The following ORC3 variants were observed in gnomAD, a reference collection of about 807,000 sequenced individuals.
The protein encoded by ORC3 is origin recognition complex subunit 3.
In ORC3, 78 loss-of-function variants were observed where a neutral mutation model predicts 100.7. The ratio of observed to expected loss-of-function variants is 0.77; its 90% confidence interval spans 0.65 to 0.94. The LOEUF is 0.94. Ranked by LOEUF, ORC3 falls within the 40% of genes least tolerant of loss-of-function variation. The pLI is 0.00. For missense variants in ORC3, 789 were observed against 823.9 expected, an observed-to-expected ratio of 0.96 and a Z score of 0.52; for synonymous variants, 295 against 289.3, an observed-to-expected ratio of 1.02 and a Z score of -0.20.
chr6:87,650,242 A>T (rs1299269208), intron 13 of ORC3, among the ~76,000 whole-genome samples: 1 of 151,882 alleles, frequency 6.6e-6, no homozygotes, highest in Non-Finnish European at 1.5e-5. Context: ...TTTTGTAGGA[A>T]TGAGGGTCTC....
intron 19 of ORC3, among the ~76,000 whole-genome samples, chr6:87,666,463 A>G (rs1770640249): frequency 3.2e-5 from 3 of 93,758 alleles, no homozygotes; most frequent in East Asian, 3.1e-4. Flanking sequence ...TTTGAGACAG[A>G]GTTTTGCTAT....
chr6:87,650,517 A>G (rs1317397372), intron 13 of ORC3, among the ~76,000 whole-genome samples: 3 of 152,216 alleles, frequency 2.0e-5, no homozygotes. Context: ...TAGTGATGAT[A>G]GCAGGCAGCA....
intron 1 of ORC3, among the ~76,000 whole-genome samples, chr6:87,590,610 A>C (rs529951853): frequency 6.6e-6 from 1 of 152,196 alleles, no homozygotes; most frequent in South Asian, 2.1e-4. Flanking sequence ...TTAGCAAGGA[A>C]AAGAGTTCTA....
intron 2 of ORC3, among the ~76,000 whole-genome samples, chr6:87,597,485 G>T (rs576101017): frequency 6.6e-6 from 1 of 151,990 alleles, no homozygotes; most frequent in South Asian, 2.1e-4. Flanking sequence ...TCCCCACAGG[G>T]TTATTGAGTA....
Position 87,610,569 on chromosome 6 carries a change from C to T in ORC3, c.713+1340C>T, listed in dbSNP as rs527713817. ...TTTTTATTTTTTATTTTTTTTGAGA[C>T]GGAGTCTCGCTCTGTCGCCCAGGTC... is the stretch of plus-strand genomic sequence containing the variant. On this transcript the variant is annotated intron_variant, in intron 7 of 19. Transcript: ENST00000392844. Among the ~76,000 whole-genome samples the T allele has an allele frequency of 2.0e-3, 262 of 132,040 alleles. 10 individuals are homozygous for T. The highest frequency in any genetic ancestry group is 8.0e-3 in the African/African-American group (253 of 31,526). The allele number at this position is 132,040 out of a possible 152,430, so 86.6% of individuals were successfully genotyped here.
chr6:87,598,260 C>T lies in ORC3; in HGVS notation c.80-3524C>T, dbSNP rs543600695. ...GCTGGTCTCAAATCCTGAGCTCAAG[C>T]AGTCCACCTGCCTTGGCCTCCCAAA... On this transcript the variant is annotated intron_variant, in intron 2 of 19. Transcript: ENST00000392844. Among the ~76,000 whole-genome samples, 96 of 151,876 alleles carry T rather than the reference C, an allele frequency of 6.3e-4. 1 individual carries two copies. The highest frequency in any genetic ancestry group is 1.2e-3 in the Non-Finnish European group (80 of 67,886).
intron 2 of ORC3, chr6:87,595,079 G>A (rs1330453081): frequency 2.0e-5 from 3 of 152,228 alleles, no homozygotes; most frequent in African/African-American, 7.2e-5. Context: ...AACTACATGT[G>A]TGTTAGAATA....
intron 13 of ORC3, among the ~76,000 whole-genome samples, chr6:87,646,778 A>T (rs568721653): frequency 1.3e-5 from 2 of 152,300 alleles, no homozygotes; most frequent in African/African-American, 4.8e-5. Context: ...CCCAGGGCTT[A>T]ATCGTAAGCC....
At chr6:87,674,461 T>C in the ORC3 span, among the ~76,000 whole-genome samples, 1 of 151,656 alleles carries the variant, frequency 6.6e-6, no homozygotes, top group Non-Finnish European at 1.5e-5. Context: ...GAAAGCTATG[T>C]CTAGAAACCA....
At chr6:87,659,818 G>T (rs1770045189) in intron 16 of ORC3, among the ~76,000 whole-genome samples, 2 of 152,036 alleles carry the variant, frequency 1.3e-5, no homozygotes, top group South Asian at 4.2e-4. Flanking sequence ...GGAGGCAGAG[G>T]TTGCAGTGAG....
intron 7 of ORC3, among the ~76,000 whole-genome samples, chr6:87,610,934 C>CTTTTTTTTTTTT (rs67349945): frequency 1.3e-4 from 14 of 106,814 alleles, no homozygotes; most frequent in African/African-American, 4.8e-4. Flanking sequence ...TAGGACTTTT[C>CTTTTTTTTTTTT]TTTTTTTTTT....
chr6:87,640,536 C>T (rs1583114093), intron 13 of ORC3, among the ~76,000 whole-genome samples: 1 of 152,140 alleles, frequency 6.6e-6, no homozygotes, highest in African/African-American at 2.4e-5. Flanking sequence ...TAATTTTTCA[C>T]TCAACCCTGT....
chr6:87,650,647 CAA>C (rs1264318453), intron 13 of ORC3, among the ~76,000 whole-genome samples: 1 of 152,130 alleles, frequency 6.6e-6, no homozygotes, highest in African/African-American at 2.4e-5. Context: ...TTACATTAAA[CAA>C]GAGAATACTT....
intron 2 of ORC3, among the ~76,000 whole-genome samples, chr6:87,598,327 T>C (rs1376354389): frequency 6.6e-6 from 1 of 152,242 alleles, no homozygotes; most frequent in East Asian, 1.9e-4. Context: ...TCATTTTATA[T>C]GTGTTAATTT....
Position 87,667,306 on chromosome 6 carries a change from T to C in ORC3, c.*183T>C. On this transcript the variant is annotated 3_prime_UTR_variant, in exon 20 of 20. Transcript: ENST00000392844. ...GGCATGTATCAAAACACCTGTGGAG[T>C]ACTTTAGACTCCAACAAATAATAAT... is the stretch of plus-strand genomic sequence containing the variant. 1 of 461,392 alleles carries C rather than the reference T, an allele frequency of 2.2e-6. No individual in the cohort carries two copies. The highest frequency in any genetic ancestry group is 3.8e-6 in the Non-Finnish European group (1 of 263,234). The allele number at this position is 461,392 out of a possible 1,614,324, so 28.6% of individuals were successfully genotyped here. A position where few individuals can be genotyped will look rare whatever the true frequency, so the allele number is the denominator to read the frequency against.
At chr6:87,647,541 C>A (rs74389272) in intron 13 of ORC3, among the ~76,000 whole-genome samples, 1,705 of 152,290 alleles carry the variant, frequency 0.011, 34 homozygotes, top group African/African-American at 0.039. Context: ...TTTTCCATAA[C>A]ATTTATCAAT....
At chr6:87,666,984 C>T (rs998008430) in intron 19 of ORC3, 34 bp from the exon 20 acceptor site, 3 of 1,323,530 alleles carry the variant, frequency 2.3e-6, no homozygotes, top group Non-Finnish European at 3.2e-6. Flanking sequence ...GTCAAAAATA[C>T]AGCACGGCCA....
intron 9 of ORC3, among the ~76,000 whole-genome samples, chr6:87,619,284 AG>A: frequency 6.6e-6 from 1 of 152,342 alleles, no homozygotes; most frequent in Middle Eastern, 3.4e-3. Context: ...TTAATCTCTC[AG>A]GGTCTCAGTT....
chr6:87,593,171 G>T (rs974228016), intron 1 of ORC3, among the ~76,000 whole-genome samples: 2 of 152,082 alleles, frequency 1.3e-5, no homozygotes, highest in African/African-American at 4.8e-5. Flanking sequence ...AATAGACTAG[G>T]ACCACTAACT....
Sources: gnomAD v4.1 joint callset for allele counts (sites outside exome capture counted in the v4.1 genomes callset) on GRCh38, gnomAD v4.1.1 for gene constraint, MANE v1.5 for transcripts, NCBI Gene and HGNC (gene_info 2026-07-23, HGNC 2026-07-21) for gene names.